The following ZCWPW2 variants were observed in gnomAD, a reference collection of about 807,000 sequenced individuals.
ZCWPW2 encodes the protein zinc finger CW-type and PWWP domain containing 2, also known as zinc finger CW-type PWWP domain protein 2.
Under a neutral mutation model 46.6 loss-of-function variants are expected in ZCWPW2, and 45 were observed. The observed-to-expected ratio is 0.96, with a 90% CI of 0.76 to 1.24. The LOEUF is 1.24. Ranked by LOEUF, ZCWPW2 falls within the 50% of genes most tolerant of loss-of-function variation. The pLI is 0.00. For missense variants in ZCWPW2, 429 were observed against 403.9 expected (o/e 1.06, Z -0.53); for synonymous variants, 152 against 137.1 (o/e 1.11, Z -0.76).
At chr3:28,379,950 A>G (rs1705621831) in intron 1 of ZCWPW2, among the ~76,000 whole-genome samples, 1 of 151,966 alleles carries the variant, frequency 6.6e-6, no homozygotes. Context: ...GTTTATTTTT[A>G]TTTTTAATGT....
rs917317795 is a variant in ZCWPW2 at position 28,411,369 on chromosome 3, G to A, written c.-13-1687G>A. Among the ~76,000 whole-genome samples, 7 of 151,752 alleles carry A rather than the reference G, an allele frequency of 4.6e-5. No individual in the cohort carries two copies. The East Asian group carries it at 7.7e-4, about 17-fold the overall frequency. ...CAAAAAAAATCCTTTTGGTAAGCTG[G>A]TAATAGAAGGAAAACAACTTTCTGT... On this transcript the variant is annotated intron_variant, in intron 2 of 9. Coordinates refer to ENST00000383768, the MANE Select transcript of ZCWPW2 (RefSeq NM_001040432.4).
chr3:28,464,042 C>G (rs947966697), intron 4 of ZCWPW2, among the ~76,000 whole-genome samples: 4 of 152,010 alleles, frequency 2.6e-5, no homozygotes, highest in Non-Finnish European at 5.9e-5. Flanking sequence ...GGCATTTTCT[C>G]TATACCTCCT....
intron 2 of ZCWPW2, among the ~76,000 whole-genome samples, chr3:28,400,131 C>A (rs781700267): frequency 6.6e-6 from 1 of 151,948 alleles, no homozygotes; most frequent in Non-Finnish European, 1.5e-5. Context: ...TATAGAAATG[C>A]AAAATGCTCT....
At chr3:28,438,018 G>T (rs1425547457) in intron 4 of ZCWPW2, among the ~76,000 whole-genome samples, 1 of 152,166 alleles carries the variant, frequency 6.6e-6, no homozygotes, top group Non-Finnish European at 1.5e-5. Context: ...ATCAACTTCA[G>T]CTCTTAACAC....
rs561478480 is a variant in ZCWPW2, at chr3:28,486,873, A to AC, written c.611-5254_611-5253insC. On this transcript the variant is annotated intron_variant, in intron 5 of 9. Transcript: ENST00000383768. Reference sequence around the variant, plus strand: ...GAGTGAGACCCTATTTCAAAAGAAAAAAAAAAAAGGTAATTTCAGAGTGTA... The same window carrying AC: ...GAGTGAGACCCTATTTCAAAAGAAAACAAAAAAAAGGTAATTTCAGAGTGTA... Among the ~76,000 whole-genome samples, 354 of 152,202 alleles carry AC rather than the reference A, an allele frequency of 2.3e-3. 6 individuals carry two copies. Among genetic ancestry groups the AC allele is most frequent in the African/African-American group, 8.1e-3 (336 of 41,516 alleles).
intron 5 of ZCWPW2, among the ~76,000 whole-genome samples, chr3:28,488,967 A>G (rs889488628): frequency 7.2e-5 from 11 of 152,200 alleles, no homozygotes; most frequent in Non-Finnish European, 1.5e-4. Flanking sequence ...TAAGTATTAC[A>G]TAAGAATTTT....
chr3:28,498,218 T>C (rs2125822114), intron 6 of ZCWPW2, among the ~76,000 whole-genome samples: 1 of 145,318 alleles, frequency 6.9e-6, no homozygotes, highest in African/African-American at 2.6e-5. Context: ...TGTATGTATA[T>C]ATATTTATAT....
intron 4 of ZCWPW2, among the ~76,000 whole-genome samples, chr3:28,459,294 C>T (rs1188543698): frequency 2.0e-5 from 3 of 151,850 alleles, no homozygotes; most frequent in East Asian, 1.9e-4. Flanking sequence ...GGCGTGAACC[C>T]GGGAGGCGGA....
At chr3:28,381,047 GGTGTATATATA>G (rs1695082285) in intron 1 of ZCWPW2, among the ~76,000 whole-genome samples, 1 of 6,248 alleles carries the variant, frequency 1.6e-4, no homozygotes, top group African/African-American at 4.5e-4. Flanking sequence ...ATATATATTT[GGTGTATATATA>G]TATATATATA....
intron 3 of ZCWPW2, 138 bp downstream of exon 3, chr3:28,413,538 T>G (rs1427055938): frequency 1.3e-6 from 1 of 748,814 alleles, no homozygotes; most frequent in East Asian, 2.8e-5. Context: ...CCATACTTCT[T>G]TGGATTTTTT....
chr3:28,478,865 G>T lies in ZCWPW2; in HGVS notation c.544G>T (p.Ala182Ser). The T allele has an allele frequency of 3.8e-6, 6 of 1,585,872 alleles. No homozygotes were observed. Among genetic ancestry groups the T allele is most frequent in the South Asian group, 1.2e-5 (1 of 84,532 alleles). The change falls in exon 5 of 10, where the codon GCA (alanine) becomes TCA (serine). Residue 182 changes from alanine (A) to serine (S), a missense_variant. Ala to Ser is a moderately conservative substitution (Grantham distance 99). Coordinates refer to ENST00000383768, the MANE Select transcript of ZCWPW2 (RefSeq NM_001040432.4). The stretch of plus-strand genomic sequence containing the variant: ...GTGGTATAAAAGTGCACTACAAGAA[G>T]CATGTCTACTCTATGGATATTCTCA... ...KKWYKSALQE[A>S]CLLYGYSHEQ... is the part of the protein sequence containing the mutation.
intron 3 of ZCWPW2, among the ~76,000 whole-genome samples, chr3:28,433,171 A>T (rs767074385): frequency 6.6e-6 from 1 of 152,050 alleles, no homozygotes; most frequent in African/African-American, 2.4e-5. Flanking sequence ...CTCTTTATCA[A>T]ATGGTTGTGT....
chr3:28,352,672 C>T (rs1445032126), intron 1 of ZCWPW2, among the ~76,000 whole-genome samples: 1 of 152,114 alleles, frequency 6.6e-6, no homozygotes, highest in Non-Finnish European at 1.5e-5. Flanking sequence ...TGGTATATAA[C>T]TTATGAGTTC....
chr3:28,411,999 T>C lies in ZCWPW2; in HGVS notation c.-13-1057T>C, dbSNP rs975645846. On this transcript the variant is annotated intron_variant, in intron 2 of 9. Coordinates refer to ENST00000383768, the MANE Select transcript of ZCWPW2 (RefSeq NM_001040432.4). ...TTCGAACTATGGCTATTGAAATATA[T>C]GGACAAATTTCTAAAGCAATTTGCA... Among the ~76,000 whole-genome samples the C allele has an allele frequency of 2.6e-5, 4 of 152,030 alleles. 1 individual carries two copies. In the South Asian group the frequency reaches 6.2e-4, roughly 24 times the overall value.
At chr3:28,352,443 G>A (rs1301381822) in intron 1 of ZCWPW2, among the ~76,000 whole-genome samples, 1 of 151,920 alleles carries the variant, frequency 6.6e-6, no homozygotes, top group African/African-American at 2.4e-5. Context: ...TTCCTCTTTA[G>A]CAGTTGTCCC....
chr3:28,492,098 T>A, intron 5 of ZCWPW2, 29 bp from the exon 6 acceptor site: 1 of 1,605,740 alleles, frequency 6.2e-7, no homozygotes, highest in Non-Finnish European at 8.5e-7. Context: ...GGCACTTTTT[T>A]GAAGCAGCCA....
At chr3:28,475,240 C>T (rs1281232520) in intron 4 of ZCWPW2, among the ~76,000 whole-genome samples, 1 of 152,102 alleles carries the variant, frequency 6.6e-6, no homozygotes, top group Non-Finnish European at 1.5e-5. Flanking sequence ...GTTTGAAAGT[C>T]CTAGAGTAAT....
At chr3:28,478,640 T>G (rs1699315533) in intron 4 of ZCWPW2, among the ~76,000 whole-genome samples, 174 bp from the exon 5 acceptor site, 1 of 152,138 alleles carries the variant, frequency 6.6e-6, no homozygotes, top group East Asian at 1.9e-4. Flanking sequence ...TTGCAAAATT[T>G]TCACAATTTT....
chr3:28,424,403 A>G (rs1013865671), intron 3 of ZCWPW2, among the ~76,000 whole-genome samples: 3 of 152,176 alleles, frequency 2.0e-5, no homozygotes, highest in African/African-American at 4.8e-5. Context: ...ATTTGCAGAT[A>G]TGATTCTTAA....
Sources: gnomAD v4.1 joint callset for allele counts (sites outside exome capture counted in the v4.1 genomes callset) on GRCh38, gnomAD v4.1.1 for gene constraint, MANE v1.5 for transcripts, NCBI Gene and HGNC (gene_info 2026-07-23, HGNC 2026-07-21) for gene names.